Variants in STK33 observed in about 807,000 individuals in gnomAD.
The protein encoded by STK33 is serine/threonine kinase 33, also known as serine/threonine-protein kinase 33.
Under a neutral mutation model 58.0 loss-of-function variants are expected in STK33, and 52 were observed. The ratio of observed to expected loss-of-function variants is 0.90; its 90% confidence interval spans 0.72 to 1.13. The LOEUF is 1.13. Among genes scored for constraint, STK33 ranks in the 50% most tolerant of loss-of-function variants. The pLI, the probability that STK33 is intolerant of heterozygous loss-of-function variation, is 0.00. For missense variants in STK33, 630 were observed against 604.2 expected, an observed-to-expected ratio of 1.04 and a Z score of -0.45; for synonymous variants, 215 against 200.1, an observed-to-expected ratio of 1.07 and a Z score of -0.63.
intron 1 of STK33, among the ~76,000 whole-genome samples, chr11:8,589,064 T>C (rs1294471466): frequency 1.3e-5 from 2 of 152,166 alleles, no homozygotes; most frequent in Non-Finnish European, 1.5e-5. Flanking sequence ...TACATTGCCG[T>C]TGGGAATGCA....
chr11:8,569,541 C>A (rs988522645), intron 1 of STK33, among the ~76,000 whole-genome samples: 1 of 152,168 alleles, frequency 6.6e-6, no homozygotes, highest in Admixed American at 6.5e-5. Context: ...GTTTTTATGA[C>A]TTTCAGGTAA....
At chr11:8,432,904 A>T (rs541001546) in intron 14 of STK33, among the ~76,000 whole-genome samples, 6 of 152,236 alleles carry the variant, frequency 3.9e-5, no homozygotes, top group Non-Finnish European at 7.3e-5. Context: ...CAAAGACTTC[A>T]TAGAGACAAA....
At chr11:8,425,241 G>A (rs1310348166) in intron 14 of STK33, among the ~76,000 whole-genome samples, 2 of 152,106 alleles carry the variant, frequency 1.3e-5, no homozygotes, top group Admixed American at 6.5e-5. Flanking sequence ...ATTAAATAGG[G>A]AATCGTTTCC....
chr11:8,400,757 G>A (rs913941619), intron 15 of STK33, among the ~76,000 whole-genome samples: 14 of 152,248 alleles, frequency 9.2e-5, no homozygotes, highest in Non-Finnish European at 1.9e-4. Context: ...AAGCTGATAG[G>A]CAACTTCAGC....
the STK33 span, among the ~76,000 whole-genome samples, chr11:8,370,860 C>T: frequency 4.9e-4 from 74 of 152,246 alleles, no homozygotes; most frequent in African/African-American, 1.6e-3. Context: ...TGTAAAGAGC[C>T]ATGTTTTAAG....
intron 15 of STK33, among the ~76,000 whole-genome samples, chr11:8,409,983 T>C (rs1326471332): frequency 1.3e-5 from 2 of 152,054 alleles, no homozygotes; most frequent in South Asian, 4.1e-4. Flanking sequence ...AAGTTATACT[T>C]TTAACTATTA....
At chr11:8,341,259 C>T in the STK33 span, among the ~76,000 whole-genome samples, 1 of 152,146 alleles carries the variant, frequency 6.6e-6, no homozygotes, top group Non-Finnish European at 1.5e-5. Flanking sequence ...GTGCTTGGGC[C>T]CCTTGTATCT....
rs750904085 is a variant in STK33, at chr11:8,392,669, G to T, written c.1386C>A (p.Asp462Glu). Reference sequence around the variant, plus strand: ...AACTTGAACTGCACATATCAAAGTTGTCCTTACTGGTTGCAGGAAATTGCT... The same window carrying T: ...AACTTGAACTGCACATATCAAAGTTTTCCTTACTGGTTGCAGGAAATTGCT... ...YEKQFPATSK[D>E]NFDMCSSSFT... Residue 462 changes from aspartate to glutamate, a missense_variant, in exon 16 of 16, where the codon GAC (aspartate) becomes GAA (glutamate). By Grantham distance (45) the Asp-to-Glu change is conservative. Coordinates refer to ENST00000687296, the MANE Select transcript of STK33 (RefSeq NM_001352389.2). 1.2e-6 allele frequency: 2 copies of T among 1,614,200 alleles called. No individual in the cohort carries two copies. The highest frequency in any genetic ancestry group is 1.7e-6 in the Non-Finnish European group (2 of 1,180,038).
chr11:8,429,564 C>G (rs1374800680), intron 14 of STK33, among the ~76,000 whole-genome samples: 1 of 152,088 alleles, frequency 6.6e-6, no homozygotes, highest in African/African-American at 2.4e-5. Flanking sequence ...CACTCACTGC[C>G]CTAGTTTCAG....
intron 1 of STK33, among the ~76,000 whole-genome samples, chr11:8,572,201 CAGAG>C (rs1318540300): frequency 6.6e-6 from 1 of 151,948 alleles, no homozygotes; most frequent in Non-Finnish European, 1.5e-5. Flanking sequence ...TCCTGCCAGA[CAGAG>C]AGGAAAGATA....
At chr11:8,460,285 C>T (rs1169502747) in intron 8 of STK33, among the ~76,000 whole-genome samples, 2 of 151,960 alleles carry the variant, frequency 1.3e-5, no homozygotes, top group Admixed American at 6.6e-5. Flanking sequence ...AGAAATGACA[C>T]CCATGACAAA....
At chr11:8,484,878 C>A (rs749645870) in intron 1 of STK33, among the ~76,000 whole-genome samples, 18 of 152,050 alleles carry the variant, frequency 1.2e-4, no homozygotes, top group Admixed American at 1.2e-3. Context: ...AGGCAATAAG[C>A]CTTAGGCATG....
intron 15 of STK33, among the ~76,000 whole-genome samples, chr11:8,410,669 C>G (rs1220128284): frequency 6.6e-6 from 1 of 151,932 alleles, no homozygotes; most frequent in East Asian, 1.9e-4. Context: ...GACAGGGTTT[C>G]GCCATGTTGT....
chr11:8,441,539 T>A (rs1944745579), intron 11 of STK33, among the ~76,000 whole-genome samples: 2 of 152,182 alleles, frequency 1.3e-5, no homozygotes, highest in East Asian at 3.9e-4. Context: ...AAAATTATTT[T>A]AGAGATGGGG....
chr11:8,369,830 G>A, the STK33 span, among the ~76,000 whole-genome samples: 151 of 152,372 alleles, frequency 9.9e-4, no homozygotes, highest in African/African-American at 3.4e-3. Flanking sequence ...TGGGGCTGGG[G>A]GCTAGTCTTT....
At chr11:8,517,417 A>T (rs1952901885) in intron 1 of STK33, among the ~76,000 whole-genome samples, 2 of 152,254 alleles carry the variant, frequency 1.3e-5, no homozygotes, top group South Asian at 4.1e-4. Context: ...TCTAAAAATC[A>T]GAGTGCCTCT....
chr11:8,578,026 C>A (rs972054273), intron 1 of STK33, among the ~76,000 whole-genome samples: 1 of 152,120 alleles, frequency 6.6e-6, no homozygotes, highest in African/African-American at 2.4e-5. Flanking sequence ...AATGTCTGCT[C>A]ATATGCAGAC....
At chr11:8,517,611 C>T (rs1952924156) in intron 1 of STK33, among the ~76,000 whole-genome samples, 1 of 152,100 alleles carries the variant, frequency 6.6e-6, no homozygotes, top group African/African-American at 2.4e-5. Context: ...AGACGAATGG[C>T]TAACTAGAAT....
chr11:8,486,773 T>C (rs950435074), intron 1 of STK33, among the ~76,000 whole-genome samples: 2 of 152,216 alleles, frequency 1.3e-5, no homozygotes, highest in African/African-American at 4.8e-5. Context: ...ATCATTACAA[T>C]TGTTTTAAGC....
Sources: gnomAD v4.1 joint callset for allele counts (sites outside exome capture counted in the v4.1 genomes callset) on GRCh38, gnomAD v4.1.1 for gene constraint, MANE v1.5 for transcripts, NCBI Gene and HGNC (gene_info 2026-07-23, HGNC 2026-07-21) for gene names.